The following LCMT1 variants were observed in gnomAD, a reference collection of about 807,000 sequenced individuals.
LCMT1 encodes the protein leucine carboxyl methyltransferase 1.
LCMT1 carries 32 observed loss-of-function variants against 47.7 expected under a neutral mutation model. That is an observed-to-expected ratio of 0.67 (90% CI 0.51 to 0.90). LCMT1 has a LOEUF of 0.90. Among genes scored for constraint, LCMT1 ranks in the 40% least tolerant of loss-of-function variants. LCMT1 has a pLI of 0.00. For missense variants in LCMT1, 375 were observed against 415.2 expected (o/e 0.90, Z 0.84); for synonymous variants, 152 against 149.7 (o/e 1.02, Z -0.11).
chr16:25,119,747 A>G (rs866264462), intron 1 of LCMT1, among the ~76,000 whole-genome samples: 17 of 152,238 alleles, frequency 1.1e-4, no homozygotes, highest in Non-Finnish European at 2.1e-4. Flanking sequence ...GCTATGCCCC[A>G]GAGAGTAAGG....
At chr16:25,145,047 A>G (rs1234009733) in intron 4 of LCMT1, 1 of 152,200 alleles carries the variant, frequency 6.6e-6, no homozygotes, top group Non-Finnish European at 1.5e-5. Flanking sequence ...TCAGGCCATA[A>G]TTTGGAATCC....
At chr16:25,133,199 G>A (rs773894469) in intron 3 of LCMT1, among the ~76,000 whole-genome samples, 5 of 152,044 alleles carry the variant, frequency 3.3e-5, no homozygotes, top group Admixed American at 1.3e-4. Flanking sequence ...ATTTTGTCAG[G>A]ATAATGGCTT....
rs1170927571 is a variant in LCMT1, at chr16:25,111,898, G to A, written c.15G>A (p.Gln5=). Reference sequence around the variant, plus strand: ...CCTCCACGCCCATGGCCACTAGGCAGAGGGAATCCTCTATCACCTCCTGCT... The same window carrying A: ...CCTCCACGCCCATGGCCACTAGGCAAAGGGAATCCTCTATCACCTCCTGCT... The part of the protein sequence containing the change: MATR[Q]RESSITSCCS... Residue 5 remains glutamine (Q), a synonymous_variant, in exon 1 of 11, where the codon CAG becomes CAA. Transcript: ENST00000399069. The A allele has an allele frequency of 1.2e-6, 2 of 1,612,798 alleles. No individual in the cohort carries two copies. Among genetic ancestry groups the A allele is most frequent in the East Asian group, 2.2e-5 (1 of 44,876 alleles).
chr16:25,162,460 G>A (rs1201250729), intron 6 of LCMT1, among the ~76,000 whole-genome samples: 3 of 151,754 alleles, frequency 2.0e-5, no homozygotes, highest in Non-Finnish European at 4.4e-5. Flanking sequence ...CGTGGTGGTG[G>A]GCGCCTGTAC....
intron 1 of LCMT1, 139 bp from the exon 2 acceptor site, chr16:25,128,336 T>G (rs1960247809): frequency 1.6e-6 from 1 of 614,546 alleles, no homozygotes; most frequent in Admixed American, 2.9e-5. Flanking sequence ...AACAGGGCAC[T>G]AAATGTGCAC....
chr16:25,152,429 G>A (rs935935263), intron 5 of LCMT1, among the ~76,000 whole-genome samples: 14 of 152,090 alleles, frequency 9.2e-5, no homozygotes, highest in African/African-American at 3.4e-4. Context: ...TTTATTTTTA[G>A]TCTATAGTAG....
intron 5 of LCMT1, chr16:25,158,919 G>A (rs147498601): frequency 6.6e-6 from 1 of 152,352 alleles, no homozygotes; most frequent in African/African-American, 2.4e-5. Context: ...TGGTATACCA[G>A]TATGCCACCA....
chr16:25,137,719 C>T (rs995611269), intron 3 of LCMT1, among the ~76,000 whole-genome samples: 16 of 151,630 alleles, frequency 1.1e-4, no homozygotes, highest in African/African-American at 3.2e-4. Flanking sequence ...GCTGGGATTA[C>T]AGGTGTGAGC....
At chr16:25,153,116 G>A (rs1961130490) in intron 5 of LCMT1, among the ~76,000 whole-genome samples, 1 of 152,130 alleles carries the variant, frequency 6.6e-6, no homozygotes, top group Non-Finnish European at 1.5e-5. Context: ...GGGGTGGCAA[G>A]GAGTCTAGGC....
intron 1 of LCMT1, among the ~76,000 whole-genome samples, chr16:25,127,756 G>A (rs932346297): frequency 2.6e-5 from 4 of 152,160 alleles, no homozygotes; most frequent in African/African-American, 7.2e-5. Context: ...CAGTCTGCAG[G>A]CCCACAGCAG....
At chr16:25,141,944 G>GC (rs1960707156) in intron 4 of LCMT1, 1 of 152,208 alleles carries the variant, frequency 6.6e-6, no homozygotes, top group Non-Finnish European at 1.5e-5. Flanking sequence ...GCCAAAATTA[G>GC]CCCTATTGCC....
In LCMT1 at chr16:25,161,402, G is replaced by T. The variant is rs887970576; in HGVS notation, c.569+198G>T. Among the ~76,000 whole-genome samples the T allele has an allele frequency of 2.0e-5, 3 of 151,364 alleles. No individual in the cohort carries two copies. The East Asian group carries it at 5.8e-4, about 29-fold the overall frequency. On this transcript the variant is annotated intron_variant, in intron 6 of 10. Coordinates refer to ENST00000399069, the MANE Select transcript of LCMT1 (RefSeq NM_016309.3). ...GTGGAGTTTTGCTCTTGTTGCCCAG[G>T]CTGAGTGCAATGGCACAATCTCAGC...
intron 5 of LCMT1, 81 bp downstream of exon 5, chr16:25,151,696 G>GGTGT (rs139504024): frequency 0.025 from 14,767 of 581,688 alleles, 40 homozygotes; most frequent in African/African-American, 0.036. Context: ...GTTTGTGTTG[G>GGTGT]GTGTGTGTGT....
intron 6 of LCMT1, among the ~76,000 whole-genome samples, 192 bp downstream of exon 6, chr16:25,161,396 G>C (rs1961430077): frequency 6.9e-6 from 1 of 144,198 alleles, no homozygotes; most frequent in African/African-American, 2.6e-5. Flanking sequence ...TGCTCTTGTT[G>C]CCCAGGCTGA....
At chr16:25,154,489 C>CTTTTT (rs748304475) in intron 5 of LCMT1, among the ~76,000 whole-genome samples, 1 of 123,716 alleles carries the variant, frequency 8.1e-6, no homozygotes, top group East Asian at 2.3e-4. Context: ...TGGATGTGTT[C>CTTTTT]TTTTTTTTTT....
chr16:25,150,338 T>TC (rs904124843), intron 4 of LCMT1, among the ~76,000 whole-genome samples: 9 of 135,784 alleles, frequency 6.6e-5, no homozygotes, highest in African/African-American at 2.6e-4. Flanking sequence ...TTCTGGTTTT[T>TC]TTTTTTTTTT....
chr16:25,139,024 C>G (rs150458842), intron 3 of LCMT1, among the ~76,000 whole-genome samples: 495 of 152,224 alleles, frequency 3.3e-3, no homozygotes, highest in African/African-American at 0.01. Flanking sequence ...ACTGCAACCT[C>G]CGTTTCCCGG....
chr16:25,172,167 C>T (rs1704413266), intron 9 of LCMT1, among the ~76,000 whole-genome samples: 1 of 152,004 alleles, frequency 6.6e-6, no homozygotes, highest in Admixed American at 6.6e-5. Context: ...ATTAGCTGGG[C>T]ATGGTGGCGG....
intron 1 of LCMT1, among the ~76,000 whole-genome samples, chr16:25,118,582 G>A (rs1020914866): frequency 3.9e-5 from 6 of 152,128 alleles, no homozygotes; most frequent in African/African-American, 1.4e-4. Context: ...TGTCGTGTGA[G>A]ACGGTGGGAG....
Sources: gnomAD v4.1 joint callset for allele counts (sites outside exome capture counted in the v4.1 genomes callset) on GRCh38, gnomAD v4.1.1 for gene constraint, MANE v1.5 for transcripts, NCBI Gene and HGNC (gene_info 2026-07-23, HGNC 2026-07-21) for gene names.